TRIM34: variants seen among roughly 807,000 people sequenced by gnomAD.
The protein encoded by TRIM34 is E3 ubiquitin-protein ligase TRIM34.
TRIM34 carries 41 observed loss-of-function variants against 38.1 expected under a neutral mutation model. The ratio of observed to expected loss-of-function variants is 1.08; its 90% CI spans 0.84 to 1.40. The LOEUF is 1.40. Among genes scored for constraint, TRIM34 ranks in the 40% most tolerant of loss-of-function variants. TRIM34 has a pLI of 0.00. For synonymous variants in TRIM34, 200 were observed against 202.5 expected, an observed-to-expected ratio of 0.99 and a Z score of 0.10; for missense variants, 556 against 571.4, an observed-to-expected ratio of 0.97 and a Z score of 0.27.
chr11:5,627,278 G>C (rs1037971387), intron 1 of TRIM34, among the ~76,000 whole-genome samples: 8 of 152,056 alleles, frequency 5.3e-5, no homozygotes, highest in Non-Finnish European at 1.0e-4. Flanking sequence ...TACTCGGGAG[G>C]CTGAGGCAAG....
At chr11:5,628,915 C>G (rs1198299532) in intron 1 of TRIM34, among the ~76,000 whole-genome samples, 1 of 151,826 alleles carries the variant, frequency 6.6e-6, no homozygotes, top group Admixed American at 6.6e-5. Context: ...CTGTGCTATT[C>G]CCATCTCTGC....
rs1397116297 is a variant in TRIM34 at position 5,632,234 on chromosome 11, AT to A, written c.-77-20del. On this transcript the variant is annotated intron_variant, in intron 1 of 7. Coordinates refer to ENST00000429814, the MANE Select transcript of TRIM34 (RefSeq NM_021616.6). ...TTTTTATTTGTACCATTCTTATACC[AT>A]CCCCTTTCAATCTTCTCAGCCATCC... is the stretch of plus-strand genomic sequence containing the variant. The A allele has an allele frequency of 6.3e-7, 1 of 1,576,770 alleles. No homozygotes were observed. Among genetic ancestry groups the A allele is most frequent in the Non-Finnish European group, 8.6e-7 (1 of 1,165,500 alleles).
At position 5,633,893 on chromosome 11, in the gene TRIM34, C is replaced by T. The variant is rs1333528806; in HGVS notation, c.513C>T (p.Ser171=). ...LEADIREEKT[S]WKYQVQTERQ... ...CTGACATCAGAGAAGAGAAAACTTC[C>T]TGGAAGGCAAGAGGAGATTCTGAAG... Residue 171 remains serine, a synonymous_variant, in exon 3 of 8, where the codon TCC becomes TCT. Coordinates refer to ENST00000429814, the MANE Select transcript of TRIM34 (RefSeq NM_021616.6). 6.2e-7 allele frequency: 1 copy of T among 1,613,856 alleles called. No homozygotes were observed. Among genetic ancestry groups the T allele is most frequent in the South Asian group, 1.1e-5 (1 of 91,060 alleles).
chr11:5,636,263 G>A (rs1277399257), intron 4 of TRIM34, among the ~76,000 whole-genome samples: 1 of 152,074 alleles, frequency 6.6e-6, no homozygotes, highest in African/African-American at 2.4e-5. Flanking sequence ...ATTGAAAGAA[G>A]GCAAACACAA....
chr11:5,639,394 T>C (rs1189376463), intron 4 of TRIM34, among the ~76,000 whole-genome samples: 1 of 151,952 alleles, frequency 6.6e-6, no homozygotes, highest in Non-Finnish European at 1.5e-5. Flanking sequence ...AAAATTAAGA[T>C]TGGAGGCCAG....
chr11:5,632,633 G>A lies in TRIM34; in HGVS notation c.302G>A (p.Gly101Glu). Reference protein sequence around the residue: ...GKKRDLCDHHGEKLLLFCKED... With the variant: ...GKKRDLCDHHEEKLLLFCKED... ...AAGAGAGATCTCTGTGATCATCATG[G>A]AGAGAAACTCCTACTCTTCTGTAAG... is the stretch of plus-strand genomic sequence containing the variant. The change falls in exon 2 of 8, where the codon GGA (glycine) becomes GAA (glutamate). Residue 101 changes from glycine to glutamate, a missense_variant. By Grantham distance (98) the Gly-to-Glu change is moderately conservative. Transcript: ENST00000429814. The A allele has an allele frequency of 1.9e-6, 3 of 1,613,158 alleles. No individual in the cohort carries two copies. The highest frequency in any genetic ancestry group is 2.5e-6 in the Non-Finnish European group (3 of 1,179,854).
chr11:5,632,472 G>A lies in TRIM34; in HGVS notation c.141G>A (p.Val47=). 1 of 1,614,072 alleles carries A rather than the reference G, an allele frequency of 6.2e-7. No homozygotes were observed. The highest frequency in any genetic ancestry group is 8.5e-7 in the Non-Finnish European group (1 of 1,180,020). ...ACITVSNKEA[V]TSMGGKSSCP... is the part of the protein sequence containing the mutation. The stretch of plus-strand genomic sequence containing the variant: ...TCACTGTGAGCAACAAGGAGGCAGT[G>A]ACCAGCATGGGAGGAAAAAGCAGCT... Residue 47 remains valine (V), a synonymous_variant, in exon 2 of 8, where the codon GTG becomes GTA. Transcript: ENST00000429814.
At chr11:5,635,033 G>A (rs1239784516) in intron 4 of TRIM34, among the ~76,000 whole-genome samples, 172 bp downstream of exon 4, 1 of 151,970 alleles carries the variant, frequency 6.6e-6, no homozygotes, top group Non-Finnish European at 1.5e-5. Context: ...ATGAAGTAAG[G>A]GAATACATTT....
At chr11:5,623,105 CTTTTTTT>C (rs11301714), upstream of TRIM34, among the ~76,000 whole-genome samples, 6 of 106,836 alleles carry the variant, frequency 5.6e-5, no homozygotes, top group African/African-American at 2.2e-4. Flanking sequence ...CTGTCTGGAG[CTTTTTTT>C]TTTTTTTTTT....
intron 4 of TRIM34, among the ~76,000 whole-genome samples, chr11:5,637,346 A>G (rs1043752563): frequency 2.0e-5 from 3 of 152,178 alleles, no homozygotes; most frequent in Non-Finnish European, 4.4e-5. Context: ...CTCATTTCGT[A>G]AGAGCTGCAT....
At chr11:5,630,507 G>C (rs1044101697) in intron 1 of TRIM34, among the ~76,000 whole-genome samples, 4 of 152,158 alleles carry the variant, frequency 2.6e-5, no homozygotes, top group African/African-American at 4.8e-5. Context: ...AAGGCCTAGG[G>C]CTTTTTGCAT....
At chr11:5,639,937 GA>G in intron 4 of TRIM34, among the ~76,000 whole-genome samples, 1 of 152,096 alleles carries the variant, frequency 6.6e-6, no homozygotes. Flanking sequence ...CAGAGTAAAT[GA>G]TGTATCCATC....
chr11:5,634,530 C>T (rs148996416), intron 3 of TRIM34, 101 bp from the exon 4 acceptor site: 14,969 of 228,868 alleles, frequency 0.065, 178 homozygotes, highest in African/African-American at 0.12. Context: ...CACACACACA[C>T]ATATATATAT....
chr11:5,642,251 TGGATCCA>T (rs1334868852), intron 5 of TRIM34, among the ~76,000 whole-genome samples, 148 bp from the exon 6 acceptor site: 2 of 152,182 alleles, frequency 1.3e-5, no homozygotes, highest in Non-Finnish European at 2.9e-5. Context: ...ACATTTCTTC[TGGATCCA>T]GGGTCCGGCT....
chr11:5,633,742 G>T (rs1849593539), intron 2 of TRIM34, 62 bp from the exon 3 acceptor site: 4 of 1,489,742 alleles, frequency 2.7e-6, no homozygotes, highest in Admixed American at 2.3e-5. Context: ...TTCCCTGTTT[G>T]TCCTCTATCC....
upstream of TRIM34, among the ~76,000 whole-genome samples, chr11:5,622,668 A>C (rs528613802): frequency 2.6e-5 from 4 of 152,306 alleles, no homozygotes; most frequent in African/African-American, 9.6e-5. Context: ...TCAAGTGAAC[A>C]AAATGAATGA....
chr11:5,642,950 C>T, intron 7 of TRIM34, 107 bp downstream of exon 7: 16 of 1,490,856 alleles, frequency 1.1e-5, no homozygotes, highest in Non-Finnish European at 1.5e-5. Flanking sequence ...CAGCACCTCC[C>T]AAAACATTTG....
intron 3 of TRIM34, among the ~76,000 whole-genome samples, 161 bp downstream of exon 3, chr11:5,634,060 T>A (rs1245961396): frequency 6.6e-6 from 1 of 152,180 alleles, no homozygotes; most frequent in Non-Finnish European, 1.5e-5. Flanking sequence ...GGCTAGAAAG[T>A]GGACATGTTA....
intron 1 of TRIM34, among the ~76,000 whole-genome samples, chr11:5,627,395 G>A (rs1034917521): frequency 6.6e-6 from 1 of 151,924 alleles, no homozygotes; most frequent in Non-Finnish European, 1.5e-5. Context: ...AAAAAGGAAG[G>A]GCAATGATAG....
Sources: gnomAD v4.1 joint callset for allele counts (sites outside exome capture counted in the v4.1 genomes callset) on GRCh38, gnomAD v4.1.1 for gene constraint, MANE v1.5 for transcripts, NCBI Gene and HGNC (gene_info 2026-07-23, HGNC 2026-07-21) for gene names.